Variants in CDK12 observed in about 807,000 individuals in gnomAD.
The protein encoded by CDK12 is cyclin dependent kinase 12.
A neutral mutation model predicts 133.8 loss-of-function variants in CDK12; 17 were observed. That is an observed-to-expected ratio of 0.13 (90% CI 0.09 to 0.19). The LOEUF (loss-of-function observed/expected upper bound fraction) is 0.19. Ranked by LOEUF, CDK12 falls within the 10% of genes least tolerant of loss-of-function variation. CDK12 has a pLI of 1.00. For missense variants in CDK12, 1,508 were observed against 1,818.7 expected (o/e 0.83, Z 3.11); for synonymous variants, 694 against 683.6 (o/e 1.02, Z -0.24).
At chr17:39,490,523 G>C in intron 2 of CDK12, 34 bp from the exon 3 acceptor site, 1 of 1,475,424 alleles carries the variant, frequency 6.8e-7, no homozygotes. Context: ...ATCTTTAATT[G>C]TAATTTTGTC....
At position 39,461,651 on chromosome 17, in the gene CDK12, C is replaced by A; in HGVS notation, c.-421C>A. On this transcript the variant is annotated 5_prime_UTR_variant, in exon 1 of 14. Coordinates refer to ENST00000447079, the MANE Select transcript of CDK12 (RefSeq NM_016507.4). ...CGGCACCCCGGCGACAGGAAGCCGT[C>A]CTGAACCGGGCTACCGGGTAGGGGA... 3.5e-6 allele frequency: 1 copy of A among 281,880 alleles called. No homozygotes were observed. Among genetic ancestry groups the A allele is most frequent in the East Asian group, 5.1e-5 (1 of 19,580 alleles). The allele number at this position is 281,880 out of a possible 1,614,324, so 17.5% of individuals were successfully genotyped here.
chr17:39,488,867 C>G (rs2051343367), intron 2 of CDK12, among the ~76,000 whole-genome samples: 1 of 152,036 alleles, frequency 6.6e-6, no homozygotes. Context: ...GCTCCCACCC[C>G]AGGACTGCCG....
intron 5 of CDK12, among the ~76,000 whole-genome samples, chr17:39,495,982 G>A (rs1000864577): frequency 1.3e-5 from 2 of 151,644 alleles, no homozygotes; most frequent in African/African-American, 4.9e-5. Flanking sequence ...CTCGATCTTG[G>A]CTTACTGCAA....
intron 2 of CDK12, among the ~76,000 whole-genome samples, chr17:39,484,188 A>C (rs1251055253): frequency 2.0e-5 from 3 of 152,112 alleles, no homozygotes; most frequent in Non-Finnish European, 4.4e-5. Context: ...AAGTGTTTCC[A>C]TTACACCCAC....
chr17:39,471,186 A>C lies in CDK12; in HGVS notation c.1354A>C (p.Lys452Gln), dbSNP rs1462735881. Reference protein sequence around the residue: ...LESKKLPRSVKLEKSAPDTEL... With the variant: ...LESKKLPRSVQLEKSAPDTEL... The stretch of plus-strand genomic sequence containing the variant: ...GTCTAAAAAGTTACCCAGAAGTGTA[A>C]AATTGGAAAAATCTGCCCCAGATAC... The change falls in exon 2 of 14, where the codon AAA (lysine) becomes CAA (glutamine). Residue 452 changes from lysine (K) to glutamine (Q), a missense_variant. Transcript: ENST00000447079. The C allele has an allele frequency of 1.3e-6, 2 of 1,580,550 alleles. No individual in the cohort carries two copies. The highest frequency in any genetic ancestry group is 2.4e-5 in the South Asian group (2 of 85,008).
chr17:39,520,435 G>A (rs763385897), intron 11 of CDK12, among the ~76,000 whole-genome samples: 7 of 151,808 alleles, frequency 4.6e-5, no homozygotes, highest in African/African-American at 1.7e-4. Flanking sequence ...AGTCTCTGTC[G>A]CCCAGGCTGG....
At chr17:39,501,503 A>T (rs1352006402) in intron 6 of CDK12, 64 bp downstream of exon 6, 11 of 1,113,702 alleles carry the variant, frequency 9.9e-6, no homozygotes, top group Non-Finnish European at 7.9e-6. Context: ...TTAGTTTCAA[A>T]TGGTTAATTG....
chr17:39,545,456 G>A (rs1380916371), upstream of CDK12, among the ~76,000 whole-genome samples: 3 of 150,470 alleles, frequency 2.0e-5, no homozygotes, highest in Non-Finnish European at 4.4e-5. Context: ...CTAAAGTGCA[G>A]GGATTATAGA....
chr17:39,508,662 T>TA (rs907800837), intron 6 of CDK12, among the ~76,000 whole-genome samples: 96 of 147,352 alleles, frequency 6.5e-4, no homozygotes, highest in African/African-American at 1.9e-3. Context: ...CCCTGGAACT[T>TA]AAAAAAAAAA....
chr17:39,488,143 A>G (rs1479876624), intron 2 of CDK12, among the ~76,000 whole-genome samples: 1 of 151,734 alleles, frequency 6.6e-6, no homozygotes, highest in Admixed American at 6.6e-5. Flanking sequence ...CTAAGGTGAA[A>G]GTGTTGCTTG....
Position 39,533,844 on chromosome 17 carries a change from A to G in CDK12, c.*2528A>G. On this transcript the variant is annotated 3_prime_UTR_variant, in exon 14 of 14. Transcript: ENST00000447079. ...TCCTGGAATCTGTATGGAGGAAGAA[A>G]AGGTATTTGTTAATTTTTCAGTTAC... 4.3e-6 allele frequency: 1 copy of G among 232,434 alleles called. No individual in the cohort carries two copies. The highest frequency in any genetic ancestry group is 8.5e-6 in the Non-Finnish European group (1 of 117,518). 14.4% of individuals were successfully genotyped at this position (232,434 alleles called of 1,614,324 possible).
chr17:39,538,909 ATACATACATAC>A (rs1567802560), downstream of CDK12, among the ~76,000 whole-genome samples: 23 of 141,676 alleles, frequency 1.6e-4, no homozygotes, highest in African/African-American at 3.3e-4. Context: ...AAATAAATAC[ATACATACATAC>A]ATACATACAT....
intron 2 of CDK12, among the ~76,000 whole-genome samples, chr17:39,483,466 G>A (rs191578920): frequency 3.3e-4 from 50 of 151,910 alleles, no homozygotes; most frequent in Middle Eastern, 6.8e-3. Flanking sequence ...GAGTTTGACT[G>A]TGTTGTCCAG....
intron 7 of CDK12, among the ~76,000 whole-genome samples, chr17:39,511,214 CAAAAA>C (rs59984042): frequency 1.3e-5 from 1 of 74,850 alleles, no homozygotes; most frequent in Non-Finnish European, 2.6e-5. Context: ...GACACCGTCT[CAAAAA>C]AAAAAAAAAA....
chr17:39,484,323 G>A (rs1013663308), intron 2 of CDK12, among the ~76,000 whole-genome samples: 8 of 152,114 alleles, frequency 5.3e-5, no homozygotes, highest in African/African-American at 1.9e-4. Context: ...TTGTGTATAG[G>A]TATAAATGGG....
rs2053503149 is a variant in CDK12, at chr17:39,511,462, A to G, written c.2667-67A>G. 6.1e-6 allele frequency: 6 copies of G among 987,822 alleles called. No homozygotes were observed. The South Asian group carries it at 7.4e-5, about 12-fold the overall frequency. 61.2% of individuals were successfully genotyped at this position (987,822 alleles called of 1,614,324 possible). A position where few individuals can be genotyped will look rare whatever the true frequency, so the allele number is the denominator to read the frequency against. On this transcript the variant is annotated intron_variant, in intron 7 of 13. Transcript: ENST00000447079. ...TTGGCACCTATTTCTATTTGCATTT[A>G]GTTATGTGAATATTTTTCATCAGAA...
At chr17:39,563,180 T>C (rs983745676) in intron 3 of CDK12, among the ~76,000 whole-genome samples, 7 of 152,016 alleles carry the variant, frequency 4.6e-5, no homozygotes, top group African/African-American at 1.5e-4. Flanking sequence ...CATACAGGCG[T>C]ATGCACACAC....
At chr17:39,539,807 A>ATT (rs2055325974) in intron 1 of CDK12, among the ~76,000 whole-genome samples, 2 of 152,242 alleles carry the variant, frequency 1.3e-5, no homozygotes, top group Non-Finnish European at 2.9e-5. Context: ...AAAATAAAGA[A>ATT]GATAGGGGAC....
downstream of CDK12, chr17:39,566,877 A>G (rs1473197906): frequency 1.3e-5 from 2 of 152,350 alleles, no homozygotes; most frequent in African/African-American, 4.8e-5. Context: ...CAAAGGAGGA[A>G]GTAGGTTAGG....
Sources: allele counts gnomAD v4.1 joint callset (sites outside exome capture counted in the v4.1 genomes callset), GRCh38; gene constraint gnomAD v4.1.1; transcripts MANE v1.5; gene names NCBI Gene and HGNC (gene_info 2026-07-23, HGNC 2026-07-21).